Variants in ZGRF1 observed in about 807,000 individuals in gnomAD.
The protein encoded by ZGRF1 is 5'-3' DNA helicase ZGRF1.
A neutral mutation model predicts 203.5 loss-of-function variants in ZGRF1; 196 were observed. The observed-to-expected ratio is 0.96, with a 90% confidence interval of 0.86 to 1.08. The LOEUF is 1.08. Ranked by LOEUF, ZGRF1 falls within the 50% of genes least tolerant of loss-of-function variation. The probability of loss-of-function intolerance (pLI) is 0.00; values close to 1 mark genes in which losing one functional copy is unlikely to be tolerated. For missense variants in ZGRF1, 2,326 were observed against 2,416.3 expected, an observed-to-expected ratio of 0.96 and a Z score of 0.78; for synonymous variants, 809 against 841.3, an observed-to-expected ratio of 0.96 and a Z score of 0.66.
At chr4:112,598,295 A>G (rs1295585681) in intron 10 of ZGRF1, among the ~76,000 whole-genome samples, 1 of 152,210 alleles carries the variant, frequency 6.6e-6, no homozygotes, top group East Asian at 1.9e-4. Context: ...TTTTGAGGGT[A>G]TGGAAAAACT....
At chr4:112,582,599 G>A (rs1746462296) in intron 15 of ZGRF1, among the ~76,000 whole-genome samples, 1 of 151,970 alleles carries the variant, frequency 6.6e-6, no homozygotes, top group Non-Finnish European at 1.5e-5. Flanking sequence ...GACTACAGGT[G>A]CAGGCCACCA....
chr4:112,630,852 A>G (rs1218897209), intron 3 of ZGRF1, among the ~76,000 whole-genome samples: 1 of 151,218 alleles, frequency 6.6e-6, no homozygotes, highest in Non-Finnish European at 1.5e-5. Context: ...ATGCCACTGC[A>G]CTCCAACCCG....
intron 16 of ZGRF1, among the ~76,000 whole-genome samples, chr4:112,573,708 C>A (rs1744636590): frequency 6.6e-6 from 1 of 151,916 alleles, no homozygotes; most frequent in African/African-American, 2.4e-5. Flanking sequence ...ATAAATATGA[C>A]TATTCTAAAA....
intron 13 of ZGRF1, 144 bp downstream of exon 13, chr4:112,586,301 A>G: frequency 1.7e-6 from 1 of 599,334 alleles, no homozygotes. Context: ...CTGAAATTAG[A>G]ATAAAAGTTA....
chr4:112,565,516 A>C lies in ZGRF1; in HGVS notation c.4439-2242T>G, dbSNP rs1742887725. ...TTTTTTTCCATGGGGTCAAAAAAAG[A>C]GCTTCTGCACAGCAAAAGAAACTAC... On this transcript the variant is annotated intron_variant, in intron 16 of 27. Transcript: ENST00000505019. The C allele has an allele frequency of 4.9e-6, 3 of 615,098 alleles. No homozygotes were observed. In the Admixed American group the frequency reaches 8.8e-5, roughly 18 times the overall value. 38.1% of individuals were successfully genotyped at this position (615,098 alleles called of 1,614,324 possible).
rs778492652 is a variant in ZGRF1, at chr4:112,585,658, T to A, written c.3984A>T (p.Ile1328=). ...NLQKALSKVD[I]SFYTSLKGEK... ...CTCCCTTCAATGATGTATAAAATGATATGTCAACTTTTGAAAGAGCTTTCT... is the reference window on the plus strand; with the variant it reads ...CTCCCTTCAATGATGTATAAAATGAAATGTCAACTTTTGAAAGAGCTTTCT... Residue 1328 remains isoleucine (I), a synonymous_variant, in exon 14 of 28, where the codon ATA becomes ATT. Coordinates refer to ENST00000505019, the MANE Select transcript of ZGRF1 (RefSeq NM_018392.5). The A allele has an allele frequency of 1.2e-6, 2 of 1,609,212 alleles. No individual in the cohort carries two copies. The highest frequency in any genetic ancestry group is 1.7e-6 in the Non-Finnish European group (2 of 1,177,844).
intron 3 of ZGRF1, among the ~76,000 whole-genome samples, chr4:112,626,785 A>AATTT (rs553664852): frequency 6.4e-4 from 97 of 151,810 alleles, no homozygotes; most frequent in Middle Eastern, 6.8e-3. Flanking sequence ...TGATACTTCA[A>AATTT]ATTTATTTAT....
intron 26 of ZGRF1, 104 bp downstream of exon 26, chr4:112,540,717 G>A (rs568382592): frequency 1.2e-6 from 1 of 863,384 alleles, no homozygotes; most frequent in Admixed American, 3.2e-5. Flanking sequence ...AGTACCAAAA[G>A]TTTTTCAGGC....
At chr4:112,570,443 G>A (rs1743995655) in intron 16 of ZGRF1, among the ~76,000 whole-genome samples, 1 of 151,686 alleles carries the variant, frequency 6.6e-6, no homozygotes, top group African/African-American at 2.4e-5. Context: ...AGAAAATTTA[G>A]TGGGTGTGGT....
In ZGRF1 at chr4:112,619,091, T is replaced by C; in HGVS notation, c.951A>G (p.Ser317=). ...STENLYYQHQ[S]ENTMRNKSRW... ...GGCTTTTATTTCTCATGGTATTTTCTGATTGATGCTGGTAGTATAAATTTT... is the reference window on the plus strand; with the variant it reads ...GGCTTTTATTTCTCATGGTATTTTCCGATTGATGCTGGTAGTATAAATTTT... The change falls in exon 6 of 28, where the codon TCA becomes TCG. Residue 317 remains serine, a synonymous_variant. Coordinates refer to ENST00000505019, the MANE Select transcript of ZGRF1 (RefSeq NM_018392.5). The C allele has an allele frequency of 6.2e-7, 1 of 1,613,998 alleles. No individual in the cohort carries two copies. The highest frequency in any genetic ancestry group is 8.5e-7 in the Non-Finnish European group (1 of 1,179,956).
At chr4:112,625,932 A>G (rs1023984777) in intron 3 of ZGRF1, among the ~76,000 whole-genome samples, 4 of 152,140 alleles carry the variant, frequency 2.6e-5, no homozygotes, top group Non-Finnish European at 5.9e-5. Context: ...TAAAAAATAA[A>G]ATATATATGA....
intron 1 of ZGRF1, among the ~76,000 whole-genome samples, chr4:112,634,128 T>G (rs1436273378): frequency 6.6e-6 from 1 of 152,242 alleles, no homozygotes; most frequent in Non-Finnish European, 1.5e-5. Context: ...ATATATTTAT[T>G]CAGTACTTAC....
chr4:112,563,971 T>C (rs1742515361), intron 16 of ZGRF1, among the ~76,000 whole-genome samples: 1 of 152,112 alleles, frequency 6.6e-6, no homozygotes, highest in Non-Finnish European at 1.5e-5. Flanking sequence ...AGGCCCCAGC[T>C]CTTAATACAC....
intron 14 of ZGRF1, among the ~76,000 whole-genome samples, chr4:112,584,825 GCA>G (rs1424945152): frequency 6.6e-6 from 1 of 152,160 alleles, no homozygotes. Flanking sequence ...ATGAATGAAA[GCA>G]CAGTTCTACA....
chr4:112,595,797 A>G lies in ZGRF1; in HGVS notation c.2977-5923T>C, dbSNP rs564783338. ...TGGTTTTCACCACAATAAATATTTT[A>G]TAATGTTTTTAAAGTCTAGGATAAA... is the stretch of plus-strand genomic sequence containing the variant. On this transcript the variant is annotated intron_variant, in intron 10 of 27. Coordinates refer to ENST00000505019, the MANE Select transcript of ZGRF1 (RefSeq NM_018392.5). Among the ~76,000 whole-genome samples, 4 of 152,314 alleles carry G rather than the reference A, an allele frequency of 2.6e-5. No individual in the cohort carries two copies. In the South Asian group the frequency reaches 8.3e-4, roughly 32 times the overall value.
Position 112,563,377 on chromosome 4 carries a change from G to C in ZGRF1, c.4439-103C>G, listed in dbSNP as rs542608475. Reference sequence around the variant, plus strand: ...GCATATGTGTGTACATATATCTATAGTACACATATACATACACAAGATGAG... The same window carrying C: ...GCATATGTGTGTACATATATCTATACTACACATATACATACACAAGATGAG... On this transcript the variant is annotated intron_variant, in intron 16 of 27. Coordinates refer to ENST00000505019, the MANE Select transcript of ZGRF1 (RefSeq NM_018392.5). 4.0e-6 allele frequency: 3 copies of C among 753,358 alleles called. No individual in the cohort carries two copies. The South Asian group carries it at 7.2e-5, about 18-fold the overall frequency. The allele number at this position is 753,358 out of a possible 1,614,324, so 46.7% of individuals were successfully genotyped here.
At chr4:112,547,479 T>C in intron 23 of ZGRF1, 71 bp from the exon 24 acceptor site, 1 of 1,397,164 alleles carries the variant, frequency 7.2e-7, no homozygotes, top group South Asian at 1.4e-5. Flanking sequence ...TTGCACTGTT[T>C]GCCAAAATTG....
chr4:112,588,160 T>C (rs1030221285), intron 11 of ZGRF1, among the ~76,000 whole-genome samples: 6 of 152,128 alleles, frequency 3.9e-5, no homozygotes, highest in Non-Finnish European at 8.8e-5. Flanking sequence ...AGTCCCTCTT[T>C]TTCTTCTCCT....
intron 1 of ZGRF1, among the ~76,000 whole-genome samples, chr4:112,635,139 A>G (rs112056163): frequency 0.021 from 3,124 of 151,936 alleles, 128 homozygotes; most frequent in African/African-American, 0.07. Context: ...CAAAAAAAAA[A>G]AAAAAAAAGA....
Sources: gnomAD v4.1 joint callset for allele counts (sites outside exome capture counted in the v4.1 genomes callset) on GRCh38, gnomAD v4.1.1 for gene constraint, MANE v1.5 for transcripts, NCBI Gene and HGNC (gene_info 2026-07-23, HGNC 2026-07-21) for gene names.